The following RIMS2 variants were observed in gnomAD, a reference collection of about 807,000 sequenced individuals.
RIMS2 encodes regulating synaptic membrane exocytosis 2.
In RIMS2, 59 loss-of-function variants were observed where a neutral mutation model predicts 174.4. That is an observed-to-expected ratio of 0.34 (90% CI 0.27 to 0.42). The LOEUF (loss-of-function observed/expected upper bound fraction) is 0.42, where lower values mean the gene tolerates loss of function less well. Ranked by LOEUF, RIMS2 falls within the 10% of genes least tolerant of loss-of-function variation. RIMS2 has a pLI of 1.00. For missense variants in RIMS2, 1,620 were observed against 1,666.3 expected (o/e 0.97, Z 0.48); for synonymous variants, 606 against 572.5 (o/e 1.06, Z -0.84).
At chr8:104,174,872 T>G (rs1352950255) in intron 19 of RIMS2, among the ~76,000 whole-genome samples, 2 of 152,206 alleles carry the variant, frequency 1.3e-5, no homozygotes, top group African/African-American at 4.8e-5. Context: ...GTTTTCAGAT[T>G]CTTTCACCCT....
chr8:103,773,276 G>T (rs577808566), intron 3 of RIMS2, among the ~76,000 whole-genome samples: 1 of 152,104 alleles, frequency 6.6e-6, no homozygotes, highest in Non-Finnish European at 1.5e-5. Flanking sequence ...TGCTTAAAAT[G>T]CATATTGCTT....
intron 1 of RIMS2, among the ~76,000 whole-genome samples, chr8:103,626,039 C>T (rs1564071812): frequency 6.6e-6 from 1 of 151,962 alleles, no homozygotes; most frequent in African/African-American, 2.4e-5. Context: ...ATACCTGTCA[C>T]ATAATAAGTA....
intron 3 of RIMS2, among the ~76,000 whole-genome samples, chr8:103,851,220 T>C (rs1173385998): frequency 1.3e-5 from 2 of 151,918 alleles, no homozygotes; most frequent in Admixed American, 1.3e-4. Context: ...TAGTTTTCTT[T>C]TTGATAATTC....
At chr8:104,096,883 A>AAAAAAG (rs1555222113) in intron 19 of RIMS2, among the ~76,000 whole-genome samples, 7 of 151,870 alleles carry the variant, frequency 4.6e-5, no homozygotes, top group Non-Finnish European at 8.8e-5. Flanking sequence ...ACCAAAAAAA[A>AAAAAAG]AAAAAGAAAA....
At chr8:103,715,515 A>T (rs963468552) in intron 2 of RIMS2, among the ~76,000 whole-genome samples, 5 of 152,192 alleles carry the variant, frequency 3.3e-5, no homozygotes, top group Non-Finnish European at 7.3e-5. Flanking sequence ...CTCAAAACAC[A>T]TGATTTTGGT....
chr8:103,600,666 G>A (rs762062588), intron 1 of RIMS2, among the ~76,000 whole-genome samples: 8 of 152,204 alleles, frequency 5.3e-5, no homozygotes, highest in South Asian at 4.1e-4. Flanking sequence ...TAGGAGTGCA[G>A]ATCTCTCTTC....
intron 1 of RIMS2, among the ~76,000 whole-genome samples, chr8:103,561,435 G>A (rs567675548): frequency 6.6e-6 from 1 of 152,144 alleles, no homozygotes; most frequent in African/African-American, 2.4e-5. Flanking sequence ...ACTATGTCTT[G>A]ATATTTGATT....
chr8:104,241,582 G>T lies in RIMS2; in HGVS notation c.3335-3334G>T, dbSNP rs556458557. Among the ~76,000 whole-genome samples, 14 of 152,138 alleles carry T rather than the reference G, an allele frequency of 9.2e-5. No homozygotes were observed. In the East Asian group the frequency reaches 2.3e-3, roughly 25 times the overall value. ...AAGAATCTCATTTCCTTTCTAAGTC[G>T]TATGTTTCTTGTACGTATCCTCATT... On this transcript the variant is annotated intron_variant, in intron 19 of 23. Transcript: ENST00000504942.
intron 19 of RIMS2, among the ~76,000 whole-genome samples, chr8:104,150,206 C>G (rs1355013654): frequency 6.6e-6 from 1 of 151,958 alleles, no homozygotes; most frequent in African/African-American, 2.4e-5. Context: ...ATAAAGTCTA[C>G]TAATTTTTTT....
intron 1 of RIMS2, among the ~76,000 whole-genome samples, chr8:103,645,636 T>G (rs912117504): frequency 6.6e-6 from 1 of 152,140 alleles, no homozygotes; most frequent in Non-Finnish European, 1.5e-5. Flanking sequence ...TAGGAAATTG[T>G]GAGAAACCAA....
At chr8:103,882,960 T>A (rs1032705842) in intron 3 of RIMS2, among the ~76,000 whole-genome samples, 1 of 151,658 alleles carries the variant, frequency 6.6e-6, no homozygotes, top group East Asian at 1.9e-4. Context: ...ATACTCAGTT[T>A]AACATTAAAT....
At chr8:103,996,456 A>G (rs1352143051) in intron 17 of RIMS2, among the ~76,000 whole-genome samples, 1 of 151,966 alleles carries the variant, frequency 6.6e-6, no homozygotes, top group Non-Finnish European at 1.5e-5. Flanking sequence ...GTGTTGTGCA[A>G]CCCAAAGAAT....
At chr8:103,548,250 T>G (rs1321793913) in intron 1 of RIMS2, among the ~76,000 whole-genome samples, 3 of 152,230 alleles carry the variant, frequency 2.0e-5, no homozygotes, top group Admixed American at 6.5e-5. Flanking sequence ...TGAACATAGA[T>G]GCAAAAATAT....
intron 16 of RIMS2, among the ~76,000 whole-genome samples, chr8:103,979,746 T>G (rs2093736514): frequency 1.3e-5 from 2 of 152,174 alleles, no homozygotes; most frequent in African/African-American, 4.8e-5. Context: ...CAGCAACAGT[T>G]GTTCAACATG....
chr8:103,955,148 C>T (rs1040445275), intron 14 of RIMS2, among the ~76,000 whole-genome samples: 1 of 152,146 alleles, frequency 6.6e-6, no homozygotes, highest in Non-Finnish European at 1.5e-5. Flanking sequence ...CAAATGGATT[C>T]ACAGCCAAAT....
chr8:103,908,196 C>T (rs150487676), intron 4 of RIMS2, among the ~76,000 whole-genome samples: 21,048 of 152,120 alleles, frequency 0.14, 1,652 homozygotes, highest in Middle Eastern at 0.24. Flanking sequence ...CGTGCACCAC[C>T]ATGCCCAGCT....
intron 19 of RIMS2, among the ~76,000 whole-genome samples, chr8:104,172,287 C>T (rs2098836967): frequency 6.6e-6 from 1 of 151,920 alleles, no homozygotes; most frequent in Non-Finnish European, 1.5e-5. Context: ...TAAATGTTAG[C>T]TTTTAAGATG....
chr8:104,101,043 T>A (rs1034082220), intron 19 of RIMS2, among the ~76,000 whole-genome samples: 1 of 143,514 alleles, frequency 7.0e-6, no homozygotes, highest in Non-Finnish European at 1.5e-5. Flanking sequence ...TATATTATAT[T>A]ATATATTACA....
At chr8:104,191,770 T>C (rs1416498782) in intron 19 of RIMS2, among the ~76,000 whole-genome samples, 8 of 152,014 alleles carry the variant, frequency 5.3e-5, no homozygotes, top group Admixed American at 4.6e-4. Flanking sequence ...TTATTATTAT[T>C]ATTACTATAT....
Sources: allele counts gnomAD v4.1 joint callset (sites outside exome capture counted in the v4.1 genomes callset), GRCh38; gene constraint gnomAD v4.1.1; transcripts MANE v1.5; gene names NCBI Gene and HGNC (gene_info 2026-07-23, HGNC 2026-07-21).